Variants in GALNTL6 observed in about 807,000 individuals in gnomAD.
GALNTL6 encodes polypeptide N-acetylgalactosaminyltransferase like 6, also known as polypeptide N-acetylgalactosaminyltransferase-like 6.
GALNTL6 carries 46 observed loss-of-function variants against 73.7 expected under a neutral mutation model. The ratio of observed to expected loss-of-function variants is 0.62; its 90% CI spans 0.49 to 0.80. The LOEUF (loss-of-function observed/expected upper bound fraction) is 0.80. Ranked by LOEUF, GALNTL6 falls within the 30% of genes least tolerant of loss-of-function variation. The pLI, the probability that GALNTL6 is intolerant of heterozygous loss-of-function variation, is 0.00. For synonymous variants in GALNTL6, 259 were observed against 263.7 expected (o/e 0.98, Z 0.17); for missense variants, 604 against 755.0 (o/e 0.80, Z 2.34).
intron 5 of GALNTL6, among the ~76,000 whole-genome samples, chr4:172,733,109 C>T (rs911600128): frequency 6.6e-6 from 1 of 152,172 alleles, no homozygotes; most frequent in South Asian, 2.1e-4. Flanking sequence ...TCTTGCAAAA[C>T]GGGTCTGTTG....
At chr4:172,336,270 G>GTTTTTTTTTTT (rs138448149) in intron 4 of GALNTL6, among the ~76,000 whole-genome samples, 1,219 of 108,374 alleles carry the variant, frequency 0.011, 180 homozygotes, top group East Asian at 0.014. Context: ...GTATAGTTTT[G>GTTTTTTTTTTT]TTTTGTTTTT....
intron 5 of GALNTL6, among the ~76,000 whole-genome samples, chr4:172,797,983 T>C (rs1165424037): frequency 6.6e-6 from 1 of 152,162 alleles, no homozygotes; most frequent in Non-Finnish European, 1.5e-5. Context: ...TCCAAATGAA[T>C]CTGTAAGTCC....
chr4:172,946,992 G>A (rs747805758), intron 9 of GALNTL6, among the ~76,000 whole-genome samples: 9 of 152,232 alleles, frequency 5.9e-5, no homozygotes, highest in African/African-American at 9.6e-5. Flanking sequence ...CAAAAGAGAC[G>A]TAAGAGAGAG....
At chr4:171,972,284 T>C (rs1255457389) in intron 2 of GALNTL6, among the ~76,000 whole-genome samples, 3 of 152,218 alleles carry the variant, frequency 2.0e-5, no homozygotes, top group Non-Finnish European at 2.9e-5. Context: ...CTTTTGGGAT[T>C]ATAGCAATTT....
intron 5 of GALNTL6, among the ~76,000 whole-genome samples, chr4:172,639,371 A>G (rs942841599): frequency 2.0e-5 from 3 of 151,952 alleles, no homozygotes; most frequent in Admixed American, 6.6e-5. Context: ...TCAATTCTCC[A>G]TCATTATAAT....
intron 2 of GALNTL6, among the ~76,000 whole-genome samples, chr4:172,182,888 ATTGTGTT>A (rs1489771945): frequency 6.6e-6 from 1 of 152,118 alleles, no homozygotes; most frequent in East Asian, 1.9e-4. Flanking sequence ...TGCCTTTAAT[ATTGTGTT>A]TTGTAATAGA....
intron 4 of GALNTL6, among the ~76,000 whole-genome samples, chr4:172,315,185 C>T (rs1578946683): frequency 6.6e-6 from 1 of 152,288 alleles, no homozygotes; most frequent in Admixed American, 6.5e-5. Flanking sequence ...GTTTCAGCTT[C>T]TTACACTATC....
chr4:172,612,652 G>T (rs1342192641), intron 5 of GALNTL6, among the ~76,000 whole-genome samples: 1 of 152,000 alleles, frequency 6.6e-6, no homozygotes, highest in African/African-American at 2.4e-5. Flanking sequence ...AATCAGAAGA[G>T]TCTTGCACAA....
intron 5 of GALNTL6, among the ~76,000 whole-genome samples, chr4:172,745,760 GT>G (rs1173950849): frequency 6.6e-6 from 1 of 152,018 alleles, no homozygotes; most frequent in East Asian, 1.9e-4. Flanking sequence ...GGAAGGAGAG[GT>G]TTTGGACTTG....
In GALNTL6 at chr4:172,510,924, T is replaced by C. The variant is rs192117686; in HGVS notation, c.553+162235T>C. ...AGTTTTCTTTTTTTGTTATGTCTTT[T>C]CCTGGTTTTTGTATTAGGGTGATAC... On this transcript the variant is annotated intron_variant, in intron 5 of 12. Transcript: ENST00000506823. Among the ~76,000 whole-genome samples the C allele has an allele frequency of 2.3e-3, 126 of 54,582 alleles. 45 individuals are homozygous for C. Among genetic ancestry groups the C allele is most frequent in the Admixed American group, 6.5e-3 (25 of 3,836 alleles). The allele number at this position is 54,582 out of a possible 152,430, so 35.8% of individuals were successfully genotyped here.
At chr4:172,778,813 C>T (rs28621838) in intron 5 of GALNTL6, among the ~76,000 whole-genome samples, 6,708 of 152,264 alleles carry the variant, frequency 0.044, 256 homozygotes, top group African/African-American at 0.099. Context: ...GGCACAGTCC[C>T]TCCTGGAACT....
intron 2 of GALNTL6, among the ~76,000 whole-genome samples, chr4:171,908,566 C>T (rs2110957604): frequency 6.6e-6 from 1 of 151,866 alleles, no homozygotes; most frequent in African/African-American, 2.4e-5. Context: ...CTAGTTCAAC[C>T]ATTGTGGAAG....
chr4:172,428,781 C>T (rs1731320575), intron 5 of GALNTL6, among the ~76,000 whole-genome samples: 1 of 152,146 alleles, frequency 6.6e-6, no homozygotes, highest in South Asian at 2.1e-4. Context: ...CCAAAGTATT[C>T]TGCCATCAAT....
intron 5 of GALNTL6, among the ~76,000 whole-genome samples, chr4:172,399,048 A>G (rs1743947687): frequency 6.6e-6 from 1 of 152,104 alleles, no homozygotes; most frequent in Non-Finnish European, 1.5e-5. Context: ...AATATGTTAA[A>G]ATATGTATTT....
intron 11 of GALNTL6, among the ~76,000 whole-genome samples, chr4:173,018,883 TG>T (rs1752883450): frequency 6.6e-6 from 1 of 152,210 alleles, no homozygotes; most frequent in African/African-American, 2.4e-5. Context: ...AGGGGTTATG[TG>T]AAAAGGTTGT....
intron 2 of GALNTL6, among the ~76,000 whole-genome samples, chr4:172,116,333 A>G (rs1732983549): frequency 6.6e-6 from 1 of 152,194 alleles, no homozygotes; most frequent in South Asian, 2.1e-4. Context: ...ATTGCTCTGT[A>G]ATAAATTTTT....
At chr4:172,675,844 T>C (rs1732272454) in intron 5 of GALNTL6, among the ~76,000 whole-genome samples, 1 of 152,230 alleles carries the variant, frequency 6.6e-6, no homozygotes, top group Non-Finnish European at 1.5e-5. Flanking sequence ...AACTTTTTCA[T>C]GTCTCAGTAT....
intron 5 of GALNTL6, among the ~76,000 whole-genome samples, chr4:172,368,893 C>T (rs755207422): frequency 1.3e-5 from 2 of 152,238 alleles, no homozygotes; most frequent in Non-Finnish European, 2.9e-5. Context: ...TTCGTGGTCT[C>T]GCTGGCTTCA....
chr4:172,534,859 C>T (rs555250282), intron 5 of GALNTL6, among the ~76,000 whole-genome samples: 1 of 152,260 alleles, frequency 6.6e-6, no homozygotes, highest in East Asian at 1.9e-4. Context: ...AGCCACCGTG[C>T]CTGGCCTCTA....
Sources: allele counts gnomAD v4.1 joint callset (sites outside exome capture counted in the v4.1 genomes callset), GRCh38; gene constraint gnomAD v4.1.1; transcripts MANE v1.5; gene names NCBI Gene and HGNC (gene_info 2026-07-23, HGNC 2026-07-21).